KCNQ3: variants seen among roughly 807,000 people sequenced by gnomAD.
KCNQ3 encodes potassium voltage-gated channel subfamily KQT member 3.
Under a neutral mutation model 92.5 loss-of-function variants are expected in KCNQ3, and 30 were observed. The observed-to-expected ratio is 0.32, with a 90% confidence interval of 0.24 to 0.44. The LOEUF (loss-of-function observed/expected upper bound fraction) is 0.44. Among genes scored for constraint, KCNQ3 ranks in the 20% least tolerant of loss-of-function variants. The probability of loss-of-function intolerance (pLI) is 1.00; values close to 1 mark genes in which losing one functional copy is unlikely to be tolerated. For synonymous variants in KCNQ3, 450 were observed against 468.8 expected (o/e 0.96, Z 0.52); for missense variants, 913 against 1,140.3 (o/e 0.80, Z 2.87).
chr8:132,308,748 A>G (rs569398229), intron 1 of KCNQ3, among the ~76,000 whole-genome samples: 15 of 152,338 alleles, frequency 9.8e-5, no homozygotes, highest in African/African-American at 3.1e-4. Context: ...CAATAACCCC[A>G]TGACAGAAGA....
chr8:132,176,211 C>T (rs1018254682), intron 4 of KCNQ3, among the ~76,000 whole-genome samples: 3 of 152,166 alleles, frequency 2.0e-5, no homozygotes, highest in Non-Finnish European at 4.4e-5. Context: ...AAGAAGGTAT[C>T]AAGCCTGTAA....
At chr8:132,403,208 T>A (rs1314328064) in intron 1 of KCNQ3, among the ~76,000 whole-genome samples, 6 of 148,982 alleles carry the variant, frequency 4.0e-5, no homozygotes, top group Non-Finnish European at 4.4e-5. Context: ...TTAATTTTTT[T>A]AAATCCCAAG....
chr8:132,359,609 G>A (rs996054234), intron 1 of KCNQ3, among the ~76,000 whole-genome samples: 1 of 152,168 alleles, frequency 6.6e-6, no homozygotes, highest in African/African-American at 2.4e-5. Context: ...GAGAGTCCTT[G>A]GGGCAAATCC....
chr8:132,138,147 A>AGC, intron 11 of KCNQ3, 131 bp from the exon 12 acceptor site: 1 of 1,047,942 alleles, frequency 9.5e-7, no homozygotes, highest in Non-Finnish European at 1.4e-6. Context: ...AAGAACTTCC[A>AGC]ACGTTTGGTT....
At chr8:132,333,890 T>C (rs1186931611) in intron 1 of KCNQ3, among the ~76,000 whole-genome samples, 1 of 152,048 alleles carries the variant, frequency 6.6e-6, no homozygotes, top group African/African-American at 2.4e-5. Context: ...CCCACCACCA[T>C]GCCCAGCTAA....
At position 132,322,397 on chromosome 8, in the gene KCNQ3, T is replaced by C. The variant is rs541276649; in HGVS notation, c.387-136216A>G. Among the ~76,000 whole-genome samples the C allele has an allele frequency of 1.8e-4, 28 of 152,156 alleles. 1 individual carries two copies. Among genetic ancestry groups the C allele is most frequent in the African/African-American group, 6.7e-4 (28 of 41,526 alleles). ...ACAGGAACAGCAGGTGAGGCAGAAC[T>C]GAGATGCAGAATTTACTGGGGCAGG... On this transcript the variant is annotated intron_variant, in intron 1 of 14. Coordinates refer to ENST00000388996, the MANE Select transcript of KCNQ3 (RefSeq NM_004519.4).
chr8:132,304,354 C>G lies in KCNQ3; in HGVS notation c.387-118173G>C, dbSNP rs117796061. ...GTGGTATAGCCTTAAAAAAATGAAG[C>G]TGCACACGTTTGGGGCCAGTGAGAA... On this transcript the variant is annotated intron_variant, in intron 1 of 14. Coordinates refer to ENST00000388996, the MANE Select transcript of KCNQ3 (RefSeq NM_004519.4). Among the ~76,000 whole-genome samples the G allele has an allele frequency of 4.7e-3, 718 of 152,250 alleles. 1 individual carries two copies. Among genetic ancestry groups the G allele is most frequent in the Non-Finnish European group, 8.2e-3 (555 of 68,002 alleles).
chr8:132,463,015 G>A (rs776256412), intron 1 of KCNQ3, among the ~76,000 whole-genome samples: 12 of 152,010 alleles, frequency 7.9e-5, no homozygotes, highest in Non-Finnish European at 1.8e-4. Flanking sequence ...TTAGCATTCC[G>A]GGAAGACACA....
intron 1 of KCNQ3, among the ~76,000 whole-genome samples, chr8:132,269,083 G>T (rs1816074252): frequency 6.6e-6 from 1 of 152,150 alleles, no homozygotes; most frequent in Admixed American, 6.6e-5. Flanking sequence ...TTTTTTAAAT[G>T]AGTTGTTTGT....
intron 1 of KCNQ3, among the ~76,000 whole-genome samples, chr8:132,214,247 G>T (rs549566345): frequency 6.6e-6 from 1 of 152,218 alleles, no homozygotes; most frequent in East Asian, 1.9e-4. Context: ...GATACAGACC[G>T]CAATTTATGC....
intron 1 of KCNQ3, among the ~76,000 whole-genome samples, chr8:132,437,172 G>C (rs1332131745): frequency 2.0e-5 from 3 of 151,736 alleles, no homozygotes; most frequent in South Asian, 2.1e-4. Flanking sequence ...CCAGCTACTC[G>C]GGAGGCTGAG....
At chr8:132,282,470 G>A (rs545111148) in intron 1 of KCNQ3, among the ~76,000 whole-genome samples, 5 of 152,120 alleles carry the variant, frequency 3.3e-5, no homozygotes, top group Middle Eastern at 3.4e-3. Flanking sequence ...TTTGATTTTC[G>A]TACACTCTCC....
chr8:132,209,272 C>T (rs1813774053), intron 1 of KCNQ3, among the ~76,000 whole-genome samples: 1 of 152,140 alleles, frequency 6.6e-6, no homozygotes, highest in African/African-American at 2.4e-5. Flanking sequence ...GAGCCCTCCT[C>T]ATTCTCTAAA....
intron 1 of KCNQ3, among the ~76,000 whole-genome samples, chr8:132,251,710 T>C (rs903699503): frequency 2.0e-5 from 3 of 152,208 alleles, no homozygotes; most frequent in Admixed American, 6.5e-5. Flanking sequence ...TGTATCACTA[T>C]AGGCTACTCA....
intron 8 of KCNQ3, among the ~76,000 whole-genome samples, chr8:132,166,219 C>T (rs1826138849): frequency 6.6e-6 from 1 of 152,190 alleles, no homozygotes; most frequent in Non-Finnish European, 1.5e-5. Context: ...GCACTGCTAA[C>T]AGTCAAATTC....
chr8:132,450,236 C>A (rs1377798049), intron 1 of KCNQ3, among the ~76,000 whole-genome samples: 1 of 152,104 alleles, frequency 6.6e-6, no homozygotes, highest in African/African-American at 2.4e-5. Flanking sequence ...GTCCATTTTA[C>A]AGAGTGCTGA....
intron 1 of KCNQ3, among the ~76,000 whole-genome samples, chr8:132,363,800 GTCT>G (rs1273540054): frequency 6.6e-6 from 1 of 151,256 alleles, no homozygotes; most frequent in Admixed American, 6.6e-5. Context: ...TCTTCTGCTT[GTCT>G]TACTTTCTTT....
chr8:132,282,625 T>C (rs1351462976), intron 1 of KCNQ3, among the ~76,000 whole-genome samples: 1 of 152,128 alleles, frequency 6.6e-6, no homozygotes, highest in African/African-American at 2.4e-5. Context: ...TTTCTAAGAC[T>C]CATGCTTTGC....
chr8:132,183,999 C>T (rs1021812921), intron 3 of KCNQ3, among the ~76,000 whole-genome samples: 1 of 152,068 alleles, frequency 6.6e-6, no homozygotes, highest in Non-Finnish European at 1.5e-5. Context: ...AGAGTGACAC[C>T]CTACCCTGCC....
Sources: allele counts gnomAD v4.1 joint callset (sites outside exome capture counted in the v4.1 genomes callset), GRCh38; gene constraint gnomAD v4.1.1; transcripts MANE v1.5; gene names NCBI Gene and HGNC (gene_info 2026-07-23, HGNC 2026-07-21).